DOP1A: variants seen among roughly 807,000 people sequenced by gnomAD.
The protein encoded by DOP1A is protein DOP1A.
Under a neutral mutation model 267.6 loss-of-function variants are expected in DOP1A, and 90 were observed. That is an observed-to-expected ratio of 0.34 (90% CI 0.28 to 0.40). The LOEUF (loss-of-function observed/expected upper bound fraction) is 0.40. Ranked by LOEUF, DOP1A falls within the 10% of genes least tolerant of loss-of-function variation. The pLI is 1.00. For missense variants in DOP1A, 2,437 were observed against 2,900.4 expected, an observed-to-expected ratio of 0.84 and a Z score of 3.67; for synonymous variants, 932 against 999.1, an observed-to-expected ratio of 0.93 and a Z score of 1.27.
rs1777820094 is a variant in DOP1A at position 83,130,352 on chromosome 6, T to C, written c.2571T>C (p.Thr857=). 1 of 1,613,934 alleles carries C rather than the reference T, an allele frequency of 6.2e-7. No homozygotes were observed. Among genetic ancestry groups the C allele is most frequent in the African/African-American group, 1.3e-5 (1 of 74,916 alleles). The part of the protein sequence containing the change: ...RVAVVIRPPL[T]QGNLRYIAEK... ...CTGTGGTTATTAGACCTCCCCTCAC[T>C]CAGGGCAATCTGAGGTACATAGCTG... Residue 857 remains threonine (T), a synonymous_variant, in exon 17 of 39, where the codon ACT becomes ACC. Transcript: ENST00000349129.
At chr6:83,094,668 C>CA (rs1234738408) in intron 1 of DOP1A, among the ~76,000 whole-genome samples, 1 of 152,116 alleles carries the variant, frequency 6.6e-6, no homozygotes, top group Non-Finnish European at 1.5e-5. Flanking sequence ...ACTTATTGAC[C>CA]ATTTGTACAT....
chr6:83,153,570 T>C lies in DOP1A; in HGVS notation c.6189T>C (p.Pro2063=), dbSNP rs1459452416. 1 of 1,610,152 alleles carries C rather than the reference T, an allele frequency of 6.2e-7. No homozygotes were observed. The highest frequency in any genetic ancestry group is 8.5e-7 in the Non-Finnish European group (1 of 1,178,418). ...FYSDEKERVI[P]LLVNIMHYVV... ...GTGATGAAAAGGAGCGGGTTATTCC[T>C]TTACTTGTAAATATTATGCATTATG... The change falls in exon 31 of 39, where the codon CCT becomes CCC. Residue 2063 remains proline, a synonymous_variant. Transcript: ENST00000349129.
chr6:83,094,297 T>C (rs1771043358), intron 1 of DOP1A, among the ~76,000 whole-genome samples: 1 of 152,250 alleles, frequency 6.6e-6, no homozygotes, highest in African/African-American at 2.4e-5. Flanking sequence ...GTTATTTGTG[T>C]GTCAGTTGAT....
intron 33 of DOP1A, 146 bp downstream of exon 33, chr6:83,154,387 C>T (rs1053999917): frequency 2.3e-5 from 16 of 681,920 alleles, no homozygotes; most frequent in Non-Finnish European, 4.0e-5. Flanking sequence ...AGGGAAAGCA[C>T]ACTACTTTCT....
rs538022371 is a variant in DOP1A, at chr6:83,155,200, G to A, written c.6452-751G>A. Among the ~76,000 whole-genome samples, 7 of 151,772 alleles carry A rather than the reference G, an allele frequency of 4.6e-5. No homozygotes were observed. In the South Asian group the frequency reaches 8.3e-4, roughly 18 times the overall value. ...AGGTTGGCTGGGTGCAGTGGCTCAC[G>A]CCTGTAATCCTAGCACTTTGACAGG... On this transcript the variant is annotated intron_variant, in intron 33 of 38. Transcript: ENST00000349129.
At chr6:83,132,514 T>TTCTATG (rs1383659186) in intron 18 of DOP1A, among the ~76,000 whole-genome samples, 186 bp downstream of exon 18, 13 of 152,134 alleles carry the variant, frequency 8.5e-5, no homozygotes, top group Non-Finnish European at 1.3e-4. Flanking sequence ...AGAGGAAAGT[T>TTCTATG]CTTTACAAAA....
chr6:83,119,090 A>G (rs1007943971), intron 8 of DOP1A, 103 bp downstream of exon 8: 27 of 944,040 alleles, frequency 2.9e-5, no homozygotes, highest in Middle Eastern at 4.4e-4. Context: ...TTTAAAAACT[A>G]AAATCTCTTG....
At chr6:83,096,534 G>T (rs1333601857) in intron 1 of DOP1A, among the ~76,000 whole-genome samples, 197 bp from the exon 2 acceptor site, 1 of 150,668 alleles carries the variant, frequency 6.6e-6, no homozygotes, top group Non-Finnish European at 1.5e-5. Flanking sequence ...TTCTTCCCCT[G>T]TGTTCTTGAT....
chr6:83,076,437 G>A (rs1034317117), intron 1 of DOP1A, among the ~76,000 whole-genome samples: 3 of 152,084 alleles, frequency 2.0e-5, no homozygotes, highest in Admixed American at 6.5e-5. Flanking sequence ...CAAGGGAATC[G>A]CTTGGACCTG....
chr6:83,152,470 T>C lies in DOP1A; in HGVS notation c.6129+103T>C, dbSNP rs538851939. On this transcript the variant is annotated intron_variant, in intron 30 of 38. Coordinates refer to ENST00000349129, the MANE Select transcript of DOP1A (RefSeq NM_015018.4). ...GGAATTTCTAATTTGAGAAACTATT[T>C]TGTGCTTCTAGAAATCACTATATAG... 5.4e-5 allele frequency: 26 copies of C among 479,896 alleles called. No homozygotes were observed. The South Asian group carries it at 1.5e-3, about 27-fold the overall frequency. The allele number at this position is 479,896 out of a possible 1,614,324, so 29.7% of individuals were successfully genotyped here. A position where few individuals can be genotyped will look rare whatever the true frequency, so the allele number is the denominator to read the frequency against.
chr6:83,150,424 A>AAG (rs1781421572), intron 27 of DOP1A, among the ~76,000 whole-genome samples: 1 of 151,984 alleles, frequency 6.6e-6, no homozygotes, highest in Non-Finnish European at 1.5e-5. Flanking sequence ...TTTCAGAATG[A>AAG]AGGATCCTCT....
rs532427990 is a variant in DOP1A at position 83,155,078 on chromosome 6, A to G, written c.6451+837A>G. Among the ~76,000 whole-genome samples, 6 of 152,294 alleles carry G rather than the reference A, an allele frequency of 3.9e-5. No individual in the cohort carries two copies. The East Asian group carries it at 1.2e-3, about 30-fold the overall frequency. ...GGCAATGTGTGATGGATTTTAAATA[A>G]CAGCTAAATAGCTCATATACAAGGT... On this transcript the variant is annotated intron_variant, in intron 33 of 38. Coordinates refer to ENST00000349129, the MANE Select transcript of DOP1A (RefSeq NM_015018.4).
intron 1 of DOP1A, among the ~76,000 whole-genome samples, chr6:83,068,192 G>A (rs185329112): frequency 6.6e-4 from 100 of 152,366 alleles, no homozygotes; most frequent in African/African-American, 1.9e-3. Context: ...AAGGAATCGA[G>A]GCGTTGTGCC....
At position 83,154,619 on chromosome 6, in the gene DOP1A, C is replaced by G. The variant is rs917699286; in HGVS notation, c.6451+378C>G. 1.3e-5 allele frequency among the ~76,000 whole-genome samples: 2 copies of G among 152,060 alleles called. 1 individual carries two copies. The highest frequency in any genetic ancestry group is 4.1e-4 in the South Asian group (2 of 4,830). On this transcript the variant is annotated intron_variant, in intron 33 of 38. Coordinates refer to ENST00000349129, the MANE Select transcript of DOP1A (RefSeq NM_015018.4). ...TGAGAGACTGACAGATGGTGAAGTG[C>G]AAAAGGCAGGCAGTCGAATCCAGCC...
At position 83,100,937 on chromosome 6, in the gene DOP1A, G is replaced by A. The variant is rs367884659; in HGVS notation, c.320+51G>A. 228 of 1,181,254 alleles carry A rather than the reference G, an allele frequency of 1.9e-4. 1 individual carries two copies. Among genetic ancestry groups the A allele is most frequent in the Middle Eastern group, 3.1e-4 (1 of 3,224 alleles). 73.2% of individuals were successfully genotyped at this position (1,181,254 alleles called of 1,614,324 possible). ...ACAAATAATATAAAGAAAATGTATTGCTAAACTATTTTATACTTTCTGCAC... is the reference window on the plus strand; with the variant it reads ...ACAAATAATATAAAGAAAATGTATTACTAAACTATTTTATACTTTCTGCAC... On this transcript the variant is annotated intron_variant, in intron 4 of 38. Transcript: ENST00000349129.
chr6:83,100,572 T>C (rs1247457978), intron 3 of DOP1A, 133 bp from the exon 4 acceptor site: 1 of 504,380 alleles, frequency 2.0e-6, no homozygotes, highest in Non-Finnish European at 3.3e-6. Flanking sequence ...AAATATGGTA[T>C]ATATAGGCAA....
intron 1 of DOP1A, among the ~76,000 whole-genome samples, chr6:83,074,422 C>T (rs936276454): frequency 2.6e-5 from 4 of 152,068 alleles, no homozygotes; most frequent in African/African-American, 7.2e-5. Flanking sequence ...GGGCATAATT[C>T]ACATGATTTT....
rs759512380 is a variant in DOP1A, at chr6:83,110,045, A to C, written c.492-80A>C. On this transcript the variant is annotated intron_variant, in intron 5 of 38. Transcript: ENST00000349129. ...GACTGTAGCATGGGTGTTTGCATAC[A>C]TTTTTGGAAAAGAATGATTTATTTT... 11 of 1,442,034 alleles carry C rather than the reference A, an allele frequency of 7.6e-6. No individual in the cohort carries two copies. In the Middle Eastern group the frequency reaches 5.8e-4, roughly 76 times the overall value. The allele number at this position is 1,442,034 out of a possible 1,614,324, so 89.3% of individuals were successfully genotyped here.
At chr6:83,153,068 C>T (rs1782048029) in intron 30 of DOP1A, among the ~76,000 whole-genome samples, 2 of 152,086 alleles carry the variant, frequency 1.3e-5, no homozygotes, top group African/African-American at 4.8e-5. Flanking sequence ...GGATAGTGAC[C>T]TTTACAAAGA....
Sources: allele counts gnomAD v4.1 joint callset (sites outside exome capture counted in the v4.1 genomes callset), GRCh38; gene constraint gnomAD v4.1.1; transcripts MANE v1.5; gene names NCBI Gene and HGNC (gene_info 2026-07-23, HGNC 2026-07-21).